The following SLC44A1 variants were observed in gnomAD, a reference collection of about 807,000 sequenced individuals.
SLC44A1 encodes solute carrier family 44 member 1.
SLC44A1 carries 26 observed loss-of-function variants against 79.3 expected under a neutral mutation model. The observed-to-expected ratio is 0.33, with a 90% confidence interval of 0.24 to 0.46. SLC44A1 has a LOEUF of 0.46. Ranked by LOEUF, SLC44A1 falls within the 20% of genes least tolerant of loss-of-function variation. SLC44A1 has a pLI of 1.00. For missense variants in SLC44A1, 688 were observed against 798.1 expected, an observed-to-expected ratio of 0.86 and a Z score of 1.66; for synonymous variants, 263 against 286.2, an observed-to-expected ratio of 0.92 and a Z score of 0.82.
intron 2 of SLC44A1, chr9:105,299,968 C>T (rs1830832626): frequency 2.0e-6 from 2 of 983,126 alleles, no homozygotes; most frequent in Non-Finnish European, 2.4e-6. Flanking sequence ...CAATTGCATA[C>T]TCACTCTGCC....
At chr9:105,346,736 A>G (rs964067193) in intron 4 of SLC44A1, among the ~76,000 whole-genome samples, 4 of 152,178 alleles carry the variant, frequency 2.6e-5, no homozygotes, top group Non-Finnish European at 4.4e-5. Flanking sequence ...TTTAATATTC[A>G]TGCTTAGCTT....
intron 15 of SLC44A1, among the ~76,000 whole-genome samples, chr9:105,421,525 A>G (rs1407339826): frequency 6.6e-6 from 1 of 152,074 alleles, no homozygotes; most frequent in African/African-American, 2.4e-5. Flanking sequence ...TTCAGAGAAT[A>G]GAGCAGCGAC....
chr9:105,386,259 T>TGTG, intron 15 of SLC44A1: 3 of 976,058 alleles, frequency 3.1e-6, no homozygotes, highest in Non-Finnish European at 3.7e-6. Flanking sequence ...ATATTGTCAC[T>TGTG]ATAGCATAGA....
downstream of SLC44A1, among the ~76,000 whole-genome samples, chr9:105,398,933 C>A (rs1454642919): frequency 2.0e-5 from 3 of 152,054 alleles, no homozygotes; most frequent in Middle Eastern, 3.4e-3. Flanking sequence ...AGCTGATAAG[C>A]TAAGAAAAAA....
intron 1 of SLC44A1, among the ~76,000 whole-genome samples, chr9:105,287,936 T>C (rs1296144216): frequency 6.6e-6 from 1 of 152,210 alleles, no homozygotes; most frequent in Non-Finnish European, 1.5e-5. Context: ...ATAGGTGATA[T>C]AATGAGGAAG....
intron 15 of SLC44A1, among the ~76,000 whole-genome samples, chr9:105,420,393 T>C (rs1829230046): frequency 6.6e-6 from 1 of 152,212 alleles, no homozygotes; most frequent in South Asian, 2.1e-4. Context: ...TTACAAACAC[T>C]CTTTCCTTTG....
intron 3 of SLC44A1, among the ~76,000 whole-genome samples, chr9:105,324,250 ATT>A (rs35532819): frequency 1.3e-4 from 17 of 132,582 alleles, no homozygotes; most frequent in African/African-American, 2.0e-4. Flanking sequence ...CGTGCCCGGA[ATT>A]TTTTTTTTTT....
chr9:105,384,554 T>C (rs1828572923), intron 14 of SLC44A1, among the ~76,000 whole-genome samples: 1 of 152,188 alleles, frequency 6.6e-6, no homozygotes, highest in African/African-American at 2.4e-5. Context: ...GATTTTCTCT[T>C]TTTCTGGCAA....
At chr9:105,362,689 T>A (rs112876224) in intron 8 of SLC44A1, 132 bp from the exon 9 acceptor site, 3 of 557,170 alleles carry the variant, frequency 5.4e-6, no homozygotes, top group African/African-American at 3.9e-5. Flanking sequence ...TACTTACTGA[T>A]AAAGTATTAT....
chr9:105,382,009 G>A (rs576027459), intron 13 of SLC44A1, among the ~76,000 whole-genome samples: 42 of 152,264 alleles, frequency 2.8e-4, no homozygotes, highest in African/African-American at 9.9e-4. Flanking sequence ...TAAAGAGCTG[G>A]GAAAGAGTGT....
chr9:105,373,685 G>A (rs1246453008), intron 12 of SLC44A1, among the ~76,000 whole-genome samples: 1 of 152,190 alleles, frequency 6.6e-6, no homozygotes, highest in African/African-American at 2.4e-5. Context: ...TGAAGTACCT[G>A]GTTCTCCCTG....
chr9:105,351,317 C>T (rs373392340), intron 5 of SLC44A1, among the ~76,000 whole-genome samples: 4 of 151,834 alleles, frequency 2.6e-5, no homozygotes, highest in Non-Finnish European at 4.4e-5. Context: ...GTGGATTGCT[C>T]GAGGCCAAGA....
chr9:105,389,826 C>T lies in SLC44A1; in HGVS notation c.*770C>T. The T allele has an allele frequency of 1.4e-6, 2 of 1,432,938 alleles. No homozygotes were observed. The highest frequency in any genetic ancestry group is 1.8e-6 in the Non-Finnish European group (2 of 1,094,158). 88.8% of individuals were successfully genotyped at this position (1,432,938 alleles called of 1,614,324 possible). A position where few individuals can be genotyped will look rare whatever the true frequency, so the allele number is the denominator to read the frequency against. ...TTTGACTTTAGTAGCATCCTCCACA[C>T]ATTTGTGTGCCTGATTTGAAAGGAA... On this transcript the variant is annotated 3_prime_UTR_variant, in exon 16 of 16. Transcript: ENST00000374720.
intron 1 of SLC44A1, among the ~76,000 whole-genome samples, chr9:105,249,444 G>A (rs568447443): frequency 1.3e-5 from 2 of 151,838 alleles, no homozygotes; most frequent in Non-Finnish European, 2.9e-5. Flanking sequence ...TGAATACTGT[G>A]TTGTTAGCAT....
At chr9:105,387,060 A>AAAAAAAAAATATATATATAT (rs34780893) in intron 15 of SLC44A1, among the ~76,000 whole-genome samples, 1 of 7,728 alleles carries the variant, frequency 1.3e-4, no homozygotes, top group Non-Finnish European at 2.4e-4. Context: ...AAAAAAAAAA[A>AAAAAAAAAATATATATATAT]ATATATATAT....
At chr9:105,261,385 C>G (rs1829835308) in intron 1 of SLC44A1, among the ~76,000 whole-genome samples, 1 of 152,166 alleles carries the variant, frequency 6.6e-6, no homozygotes, top group Admixed American at 6.5e-5. Flanking sequence ...GAAAGCTCTT[C>G]TGGCCCATTT....
intron 7 of SLC44A1, among the ~76,000 whole-genome samples, chr9:105,360,381 C>T (rs185464484): frequency 2.4e-3 from 366 of 152,172 alleles, no homozygotes; most frequent in Non-Finnish European, 3.9e-3. Flanking sequence ...TGTATTTTTC[C>T]TTGTTTTCTT....
In SLC44A1 at chr9:105,362,844, G is replaced by A. The variant is rs1827821585; in HGVS notation, c.924G>A (p.Leu308=). The A allele has an allele frequency of 6.2e-7, 1 of 1,606,572 alleles. No individual in the cohort carries two copies. The highest frequency in any genetic ancestry group is 1.3e-5 in the African/African-American group (1 of 74,466). ...AGGTGATCTTATTCCTGATAATGTTGGTTATGCGCAAACGTGTTGCTCTTA... is the reference window on the plus strand; with the variant it reads ...AGGTGATCTTATTCCTGATAATGTTAGTTATGCGCAAACGTGTTGCTCTTA... ...VFTVILFLIM[L]VMRKRVALTI... Residue 308 remains leucine, a synonymous_variant, in exon 9 of 16, where the codon TTG becomes TTA. Transcript: ENST00000374720.
chr9:105,271,329 A>G (rs1185458419), intron 1 of SLC44A1, among the ~76,000 whole-genome samples: 1 of 152,192 alleles, frequency 6.6e-6, no homozygotes, highest in Non-Finnish European at 1.5e-5. Context: ...CTCCTCTGGT[A>G]CAGAATCTTT....
Sources: gnomAD v4.1 joint callset for allele counts (sites outside exome capture counted in the v4.1 genomes callset) on GRCh38, gnomAD v4.1.1 for gene constraint, MANE v1.5 for transcripts, NCBI Gene and HGNC (gene_info 2026-07-23, HGNC 2026-07-21) for gene names.